Variants in INVS observed in about 807,000 individuals in gnomAD.
INVS encodes inversin.
A neutral mutation model predicts 108.8 loss-of-function variants in INVS; 86 were observed. The ratio of observed to expected loss-of-function variants is 0.79; its 90% CI spans 0.66 to 0.95. INVS has a LOEUF of 0.95. Ranked by LOEUF, INVS falls within the 40% of genes least tolerant of loss-of-function variation. The probability of loss-of-function intolerance (pLI) is 0.00; values close to 1 mark genes in which losing one functional copy is unlikely to be tolerated. For missense variants in INVS, 1,169 were observed against 1,297.4 expected (o/e 0.90, Z 1.52); for synonymous variants, 455 against 473.5 (o/e 0.96, Z 0.51).
chr9:100,197,850 G>A (rs189718040), intron 3 of INVS, among the ~76,000 whole-genome samples: 2 of 152,322 alleles, frequency 1.3e-5, no homozygotes, highest in Admixed American at 6.5e-5. Context: ...GCCAGAGGCA[G>A]AGGAAGAGTA....
chr9:100,230,119 A>G lies in INVS; in HGVS notation c.615+292A>G, dbSNP rs7029981. Among the ~76,000 whole-genome samples the G allele has an allele frequency of 0.18, 26,967 of 152,116 alleles. 3,642 individuals are homozygous for G. The highest frequency in any genetic ancestry group is 0.38 in the African/African-American group (15,922 of 41,468). ...ATCCTGAATTTATATTTATTTCCTT[A>G]CTTTGTTTCATACTTGTTTTTATTA... On this transcript the variant is annotated intron_variant, in intron 5 of 16. Coordinates refer to ENST00000262457, the MANE Select transcript of INVS (RefSeq NM_014425.5).
chr9:100,255,871 TTC>T (rs1454796673), intron 10 of INVS, among the ~76,000 whole-genome samples: 1 of 152,228 alleles, frequency 6.6e-6, no homozygotes, highest in Admixed American at 6.5e-5. Flanking sequence ...TGGTCTAAAA[TTC>T]TCTTTTTTTG....
chr9:100,183,025 C>G (rs193294612), intron 3 of INVS, among the ~76,000 whole-genome samples: 537 of 152,190 alleles, frequency 3.5e-3, no homozygotes, highest in Middle Eastern at 0.01. Flanking sequence ...AACACAGGAA[C>G]AGAAAACCAA....
At chr9:100,100,586 TATAA>T (rs1826800910) in intron 1 of INVS, among the ~76,000 whole-genome samples, 1 of 97,860 alleles carries the variant, frequency 1.0e-5, no homozygotes, top group African/African-American at 4.2e-5. Flanking sequence ...ATATAATATA[TATAA>T]TATATGTACA....
chr9:100,231,279 A>G (rs1048181426), intron 5 of INVS, among the ~76,000 whole-genome samples: 8 of 152,132 alleles, frequency 5.3e-5, no homozygotes, highest in African/African-American at 7.2e-5. Flanking sequence ...TGTATATGCA[A>G]TGCTTAGCTC....
At chr9:100,138,046 CT>C (rs1828286882) in intron 3 of INVS, among the ~76,000 whole-genome samples, 1 of 152,054 alleles carries the variant, frequency 6.6e-6, no homozygotes, top group African/African-American at 2.4e-5. Context: ...TTATAAGTAA[CT>C]TTAATTGAGA....
At chr9:100,253,201 A>G (rs544949305) in intron 10 of INVS, 65 bp downstream of exon 10, 19 of 1,262,522 alleles carry the variant, frequency 1.5e-5, no homozygotes, top group Non-Finnish European at 2.2e-5. Flanking sequence ...TCTTTGTTGT[A>G]AACATAAGTA....
At chr9:100,114,334 C>G (rs1360161117) in intron 2 of INVS, among the ~76,000 whole-genome samples, 11 of 150,634 alleles carry the variant, frequency 7.3e-5, no homozygotes, top group Admixed American at 7.3e-4. Context: ...TTAACTTTTC[C>G]ACAATCCTAT....
chr9:100,117,532 C>G, intron 2 of INVS: 1 of 1,046,010 alleles, frequency 9.6e-7, no homozygotes, highest in Admixed American at 1.8e-5. Context: ...AACCCCGGCC[C>G]CGGATGCCAC....
chr9:100,284,716 G>C (rs1275779929), intron 13 of INVS, 113 bp downstream of exon 13: 1 of 1,114,504 alleles, frequency 9.0e-7, no homozygotes, highest in Non-Finnish European at 1.3e-6. Flanking sequence ...ACCTAGGACC[G>C]CCACTTTATG....
chr9:100,245,066 A>T (rs1442407239), intron 7 of INVS, among the ~76,000 whole-genome samples: 1 of 152,210 alleles, frequency 6.6e-6, no homozygotes, highest in Non-Finnish European at 1.5e-5. Context: ...TCAACATTTT[A>T]TACATTTTTG....
chr9:100,102,343 A>G (rs1475932052), intron 1 of INVS, among the ~76,000 whole-genome samples: 3 of 152,098 alleles, frequency 2.0e-5, no homozygotes, highest in Non-Finnish European at 4.4e-5. Flanking sequence ...TATGTTTTTA[A>G]AAGGTTCTTA....
intron 2 of INVS, among the ~76,000 whole-genome samples, chr9:100,106,573 A>G (rs1475555406): frequency 6.6e-6 from 1 of 152,180 alleles, no homozygotes; most frequent in East Asian, 1.9e-4. Flanking sequence ...TCCCAACTCT[A>G]GATGGACCAA....
Position 100,295,819 on chromosome 9 carries a change from C to T in INVS, c.2787-1098C>T, listed in dbSNP as rs190108215. On this transcript the variant is annotated intron_variant, in intron 14 of 16. Coordinates refer to ENST00000262457, the MANE Select transcript of INVS (RefSeq NM_014425.5). ...ACAGCTTCAGCCACTACCTGGGCTT[C>T]CCCCCAAGTTCTGTGCCCACAAGAG... 6.2e-3 allele frequency among the ~76,000 whole-genome samples: 942 copies of T among 152,316 alleles called. 7 individuals are homozygous for T. The highest frequency in any genetic ancestry group is 9.4e-3 in the Non-Finnish European group (641 of 68,022).
intron 7 of INVS, among the ~76,000 whole-genome samples, chr9:100,244,072 C>T (rs1236865234): frequency 6.6e-6 from 1 of 151,976 alleles, no homozygotes; most frequent in East Asian, 1.9e-4. Context: ...ATCTTTGTGA[C>T]CTCTCCAAAT....
chr9:100,213,439 C>T (rs990036749), intron 3 of INVS, among the ~76,000 whole-genome samples: 2 of 151,856 alleles, frequency 1.3e-5, no homozygotes, highest in East Asian at 1.9e-4. Flanking sequence ...CTCCTGGGCT[C>T]GAGTGATCTG....
chr9:100,205,023 A>G (rs1262581520), intron 3 of INVS, among the ~76,000 whole-genome samples: 2 of 152,152 alleles, frequency 1.3e-5, no homozygotes, highest in Non-Finnish European at 2.9e-5. Context: ...TTCATTGAAG[A>G]CACTGTGACA....
At chr9:100,299,177 C>G (rs1174130359) in intron 16 of INVS, among the ~76,000 whole-genome samples, 2 of 152,140 alleles carry the variant, frequency 1.3e-5, no homozygotes, top group Non-Finnish European at 2.9e-5. Context: ...GAACAAGCAA[C>G]TTACTTGTCC....
rs1833860524 is a variant in INVS, at chr9:100,298,613, C to A, written c.3091+603C>A. 5.8e-5 allele frequency among the ~76,000 whole-genome samples: 7 copies of A among 120,728 alleles called. No homozygotes were observed. In the South Asian group the frequency reaches 1.9e-3, roughly 33 times the overall value. 79.2% of individuals were successfully genotyped at this position (120,728 alleles called of 152,430 possible). A position where few individuals can be genotyped will look rare whatever the true frequency, so the allele number is the denominator to read the frequency against. ...TCATAGGTGGCTATGGCAACACGCT[C>A]CCCCCTGCCTCCTCGATCCACACAG... On this transcript the variant is annotated intron_variant, in intron 16 of 16. Transcript: ENST00000262457.
Sources: gnomAD v4.1 joint callset for allele counts (sites outside exome capture counted in the v4.1 genomes callset) on GRCh38, gnomAD v4.1.1 for gene constraint, MANE v1.5 for transcripts, NCBI Gene and HGNC (gene_info 2026-07-23, HGNC 2026-07-21) for gene names.